The following KIF11 variants were observed in gnomAD, a reference collection of about 807,000 sequenced individuals.
The protein encoded by KIF11 is kinesin-like protein KIF11.
In KIF11, 9 loss-of-function variants were observed where a neutral mutation model predicts 121.0. The observed-to-expected ratio is 0.07, with a 90% CI of 0.04 to 0.13. The LOEUF is 0.13. Among genes scored for constraint, KIF11 ranks in the 10% least tolerant of loss-of-function variants. The pLI, the probability that KIF11 is intolerant of heterozygous loss-of-function variation, is 1.00. For missense variants in KIF11, 846 were observed against 1,217.5 expected (o/e 0.69, Z 4.54); for synonymous variants, 408 against 421.0 (o/e 0.97, Z 0.38).
At chr10:92,619,272 C>T (rs994402034) in intron 9 of KIF11, among the ~76,000 whole-genome samples, 2 of 152,176 alleles carry the variant, frequency 1.3e-5, no homozygotes, top group Admixed American at 6.6e-5. Context: ...CCACCTTGGC[C>T]TCCCAAAGTG....
Position 92,639,829 on chromosome 10 carries a change from A to G in KIF11, c.2196A>G (p.Arg732=). ...AGTTAATGAATCTTTGGACAGAGAGATTCTGTGCTTTGGAGGAAAAGTGTG... is the reference window on the plus strand; with the variant it reads ...AGTTAATGAATCTTTGGACAGAGAGGTTCTGTGCTTTGGAGGAAAAGTGTG... ...LCKLMNLWTE[R]FCALEEKCEN... is the part of the protein sequence containing the mutation. The change falls in exon 17 of 22, where the codon AGA becomes AGG. Residue 732 remains arginine (R), a synonymous_variant. Transcript: ENST00000260731. The G allele has an allele frequency of 6.2e-7, 1 of 1,612,230 alleles. No individual in the cohort carries two copies.
Position 92,597,637 on chromosome 10 carries a change from G to GGTTTGTTT in KIF11, c.77+4206_77+4213dup, listed in dbSNP as rs199828144. Among the ~76,000 whole-genome samples, 437 of 150,984 alleles carry GGTTTGTTT rather than the reference G, an allele frequency of 2.9e-3. 1 individual carries two copies. Among genetic ancestry groups the GGTTTGTTT allele is most frequent in the African/African-American group, 9.8e-3 (403 of 41,000 alleles). ...AGATAAAGTCTTTTTTTTTCCCTTG[G>GGTTTGTTT]GTTTGTTTGTTTGTTTGTTTGTTTG... On this transcript the variant is annotated intron_variant, in intron 1 of 21. Coordinates refer to ENST00000260731, the MANE Select transcript of KIF11 (RefSeq NM_004523.4).
intron 19 of KIF11, among the ~76,000 whole-genome samples, chr10:92,649,264 A>C (rs1844955005): frequency 6.6e-6 from 1 of 152,178 alleles, no homozygotes; most frequent in Non-Finnish European, 1.5e-5. Context: ...GTGAAAAGGC[A>C]AGTACTTTTG....
At chr10:92,644,244 G>A (rs998384420) in intron 17 of KIF11, among the ~76,000 whole-genome samples, 4 of 152,080 alleles carry the variant, frequency 2.6e-5, no homozygotes, top group African/African-American at 9.7e-5. Flanking sequence ...ACATAACTGC[G>A]TTTGGCATTT....
rs767433280 is a variant in KIF11, at chr10:92,624,397, A to AT, written c.1217+2937dup. ...AAGCACCTGCCACCATGCCCAGCAA[A>AT]TTTTTTTTTTTTTAAGTAGAGATGG... On this transcript the variant is annotated intron_variant, in intron 10 of 21. Transcript: ENST00000260731. 8.2e-3 allele frequency among the ~76,000 whole-genome samples: 1,192 copies of AT among 144,774 alleles called. 6 individuals carry two copies. The highest frequency in any genetic ancestry group is 0.012 in the Non-Finnish European group (795 of 65,448). The allele number at this position is 144,774 out of a possible 152,430, so 95.0% of individuals were successfully genotyped here.
chr10:92,609,301 A>AGAGAGAGT (rs1554859634), intron 5 of KIF11, 84 bp from the exon 6 acceptor site: 361 of 600,858 alleles, frequency 6.0e-4, no homozygotes, highest in Middle Eastern at 5.7e-3. Context: ...AGAGAGAGAG[A>AGAGAGAGT]GAGTGTGTGT....
chr10:92,618,890 T>C (rs1291621033), intron 9 of KIF11, among the ~76,000 whole-genome samples: 2 of 152,180 alleles, frequency 1.3e-5, no homozygotes, highest in African/African-American at 4.8e-5. Flanking sequence ...ATTGCTCTTT[T>C]GTAACCACTT....
intron 20 of KIF11, 46 bp from the exon 21 acceptor site, chr10:92,650,355 C>A: frequency 9.0e-7 from 1 of 1,107,064 alleles, no homozygotes; most frequent in Non-Finnish European, 1.4e-6. Context: ...CTTGTGATGA[C>A]TTTTAAGCCC....
intron 6 of KIF11, among the ~76,000 whole-genome samples, chr10:92,610,012 C>T (rs747867663): frequency 6.6e-6 from 1 of 152,172 alleles, no homozygotes; most frequent in Non-Finnish European, 1.5e-5. Flanking sequence ...GCTGAGATTA[C>T]ACGTGTGAGC....
intron 10 of KIF11, among the ~76,000 whole-genome samples, chr10:92,625,846 A>G (rs1010273644): frequency 6.6e-6 from 1 of 152,190 alleles, no homozygotes; most frequent in Non-Finnish European, 1.5e-5. Flanking sequence ...AAAACAGTAA[A>G]ATACCTAGGA....
chr10:92,643,990 G>A (rs753169260), intron 17 of KIF11, among the ~76,000 whole-genome samples: 1 of 152,148 alleles, frequency 6.6e-6, no homozygotes, highest in African/African-American at 2.4e-5. Flanking sequence ...AATCAAAAAA[G>A]TATGTCCTAC....
chr10:92,631,591 G>T (rs1275117885), intron 12 of KIF11, among the ~76,000 whole-genome samples: 1 of 151,190 alleles, frequency 6.6e-6, no homozygotes, highest in Non-Finnish European at 1.5e-5. Flanking sequence ...TCGATCTCCT[G>T]ACCTCATGAT....
intron 13 of KIF11, among the ~76,000 whole-genome samples, chr10:92,633,084 A>G (rs989614687): frequency 1.3e-5 from 2 of 151,850 alleles, no homozygotes; most frequent in African/African-American, 4.8e-5. Context: ...GGGGGCATAT[A>G]TATCTTGATG....
At position 92,605,984 on chromosome 10, in the gene KIF11, A is replaced by G. The variant is rs12257279; in HGVS notation, c.78-281A>G. 0.15 allele frequency among the ~76,000 whole-genome samples: 22,709 copies of G among 152,142 alleles called. 3,603 individuals are homozygous for G. The highest frequency in any genetic ancestry group is 0.4 in the African/African-American group (16,496 of 41,440). ...AACACAGCAAGACCCCATCTCTACC[A>G]TCAAAACAAAACAAATCTATTCGTA... On this transcript the variant is annotated intron_variant, in intron 1 of 21. Transcript: ENST00000260731.
intron 18 of KIF11, among the ~76,000 whole-genome samples, chr10:92,646,397 G>GT (rs1355934488): frequency 6.6e-6 from 1 of 152,100 alleles, no homozygotes; most frequent in Non-Finnish European, 1.5e-5. Context: ...TTGTAACTTG[G>GT]TTTTTTCTTT....
At chr10:92,647,825 T>C (rs1417443916) in intron 18 of KIF11, among the ~76,000 whole-genome samples, 1 of 152,120 alleles carries the variant, frequency 6.6e-6, no homozygotes, top group East Asian at 1.9e-4. Context: ...TTAAATCTTT[T>C]ATTACTGAAG....
At chr10:92,651,742 A>G (rs953682060) in intron 21 of KIF11, among the ~76,000 whole-genome samples, 4 of 151,238 alleles carry the variant, frequency 2.6e-5, no homozygotes, top group African/African-American at 9.7e-5. Context: ...CTGAGTACAC[A>G]ATCAATGTCA....
chr10:92,596,899 C>T (rs1844303027), intron 1 of KIF11: 1 of 237,768 alleles, frequency 4.2e-6, no homozygotes. Flanking sequence ...CTGTGTTTGG[C>T]CCCAGTGCAG....
chr10:92,608,517 CA>C (rs1390234514), intron 4 of KIF11, among the ~76,000 whole-genome samples: 2 of 151,630 alleles, frequency 1.3e-5, no homozygotes, highest in African/African-American at 4.9e-5. Flanking sequence ...TGGCTCACTG[CA>C]ACCTCCACCT....
Sources: gnomAD v4.1 joint callset for allele counts (sites outside exome capture counted in the v4.1 genomes callset) on GRCh38, gnomAD v4.1.1 for gene constraint, MANE v1.5 for transcripts, NCBI Gene and HGNC (gene_info 2026-07-23, HGNC 2026-07-21) for gene names.